Variants in CFAP210 observed in about 807,000 individuals in gnomAD.
CFAP210 encodes cilia and flagella associated protein 210, also known as cilia- and flagella- associated protein 210.
chr2:169,646,721 G>T, the CFAP210 span, among the ~76,000 whole-genome samples: 1,358 of 152,252 alleles, frequency 8.9e-3, 20 homozygotes, highest in African/African-American at 0.031. Context: ...GGTTGAGAAG[G>T]CACTGAGTGG....
the CFAP210 span, chr2:169,680,987 C>A: frequency 6.2e-7 from 1 of 1,600,176 alleles, no homozygotes; most frequent in South Asian, 1.1e-5. Context: ...CATGTGTACT[C>A]CTGGATGGTT....
the CFAP210 span, among the ~76,000 whole-genome samples, chr2:169,668,933 A>G: frequency 6.6e-5 from 10 of 152,240 alleles, no homozygotes; most frequent in South Asian, 2.1e-4. Context: ...AAATTCGCTC[A>G]ATGCAGGGTT....
the CFAP210 span, chr2:169,649,320 T>A: frequency 6.2e-7 from 1 of 1,611,608 alleles, no homozygotes; most frequent in Non-Finnish European, 8.5e-7. Flanking sequence ...TTTTTCTTTG[T>A]CTTTCTTCTT....
the CFAP210 span, chr2:169,658,579 T>C: frequency 1.2e-5 from 2 of 167,730 alleles, no homozygotes. Context: ...AAGAACATGA[T>C]CTTAAAGGAG....
the CFAP210 span, among the ~76,000 whole-genome samples, chr2:169,681,942 G>T: frequency 2.0e-5 from 3 of 152,204 alleles, no homozygotes; most frequent in African/African-American, 7.2e-5. Flanking sequence ...TTATTGCAAA[G>T]AAGCTGTTAC....
the CFAP210 span, among the ~76,000 whole-genome samples, chr2:169,690,580 T>C: frequency 1.3e-5 from 2 of 151,682 alleles, no homozygotes; most frequent in Admixed American, 1.3e-4. Context: ...GGAGAATCAC[T>C]TGAACCTGGG....
chr2:169,647,167 A>G, the CFAP210 span, among the ~76,000 whole-genome samples: 1 of 147,936 alleles, frequency 6.8e-6, no homozygotes, highest in African/African-American at 2.6e-5. Flanking sequence ...AAAGTAGAAA[A>G]TGACAATAAG....
At chr2:169,692,444 G>GCGCACACACACACA in the CFAP210 span, among the ~76,000 whole-genome samples, 18 of 143,668 alleles carry the variant, frequency 1.3e-4, no homozygotes, top group South Asian at 2.2e-4. Flanking sequence ...ACAGGCGCAC[G>GCGCACACACACACA]CACACACACA....
chr2:169,685,002 C>T, the CFAP210 span, among the ~76,000 whole-genome samples: 1 of 152,152 alleles, frequency 6.6e-6, no homozygotes, highest in Admixed American at 6.5e-5. Context: ...ATAGAAGTAG[C>T]ACATTTTGTT....
chr2:169,661,697 G>C, the CFAP210 span, among the ~76,000 whole-genome samples: 23 of 152,100 alleles, frequency 1.5e-4, no homozygotes, highest in African/African-American at 5.3e-4. Flanking sequence ...TCTCTTTCTT[G>C]TTCATGCATG....
At chr2:169,658,574 C>T in the CFAP210 span, 1 of 163,852 alleles carries the variant, frequency 6.1e-6, no homozygotes, top group Non-Finnish European at 1.3e-5. Context: ...GGAATAAGAA[C>T]ATGATCTTAA....
At chr2:169,679,430 A>C in the CFAP210 span, among the ~76,000 whole-genome samples, 81 of 152,272 alleles carry the variant, frequency 5.3e-4, no homozygotes, top group African/African-American at 1.8e-3. Context: ...CTGTAATCCC[A>C]GCACTTTGGA....
At chr2:169,648,627 A>G in the CFAP210 span, among the ~76,000 whole-genome samples, 1 of 152,204 alleles carries the variant, frequency 6.6e-6, no homozygotes, top group African/African-American at 2.4e-5. Context: ...GAAATGTAAA[A>G]TAAAGCCATA....
the CFAP210 span, among the ~76,000 whole-genome samples, chr2:169,682,711 C>T: frequency 3.9e-5 from 6 of 152,242 alleles, no homozygotes; most frequent in Non-Finnish European, 5.9e-5. Context: ...ATTTGAACAA[C>T]GATGGGTGGC....
At chr2:169,652,023 G>C in the CFAP210 span, among the ~76,000 whole-genome samples, 1 of 152,068 alleles carries the variant, frequency 6.6e-6, no homozygotes, top group Admixed American at 6.5e-5. Context: ...CCTCTCTCTA[G>C]TTAAGAGCCT....
the CFAP210 span, among the ~76,000 whole-genome samples, chr2:169,653,700 C>G: frequency 6.6e-6 from 1 of 152,146 alleles, no homozygotes; most frequent in African/African-American, 2.4e-5. Flanking sequence ...TCTCTGGAAA[C>G]TATTTATTGG....
the CFAP210 span, chr2:169,675,169 A>AAT: frequency 0.39 from 277,585 of 707,602 alleles, 57,396 homozygotes; most frequent in Middle Eastern, 0.45. Context: ...TAATAAATAA[A>AAT]ATGAGGCTAC....
chr2:169,681,238 T>G, the CFAP210 span: 2 of 1,579,986 alleles, frequency 1.3e-6, no homozygotes, highest in African/African-American at 2.7e-5. Flanking sequence ...TTATTTCTAA[T>G]AAATTGTAAA....
chr2:169,689,732 G>T, the CFAP210 span, among the ~76,000 whole-genome samples: 2 of 152,222 alleles, frequency 1.3e-5, no homozygotes, highest in South Asian at 2.1e-4. Flanking sequence ...TGTTAGCTAT[G>T]GGCTTTTCAT....
Sources: allele counts gnomAD v4.1 joint callset (sites outside exome capture counted in the v4.1 genomes callset), GRCh38; gene constraint gnomAD v4.1.1; transcripts MANE v1.5; gene names NCBI Gene and HGNC (gene_info 2026-07-23, HGNC 2026-07-21).